Variants in FBXL7 observed in about 807,000 individuals in gnomAD.
The protein encoded by FBXL7 is F-box/LRR-repeat protein 7.
In FBXL7, 12 loss-of-function variants were observed where a neutral mutation model predicts 38.3. The observed-to-expected ratio is 0.31, with a 90% CI of 0.20 to 0.51. FBXL7 has a LOEUF of 0.51. Among genes scored for constraint, FBXL7 ranks in the 20% least tolerant of loss-of-function variants. FBXL7 has a pLI of 0.98. For synonymous variants in FBXL7, 297 were observed against 300.9 expected, an observed-to-expected ratio of 0.99 and a Z score of 0.13; for missense variants, 567 against 676.4, an observed-to-expected ratio of 0.84 and a Z score of 1.79.
intron 2 of FBXL7, among the ~76,000 whole-genome samples, chr5:15,734,295 A>G (rs1735691801): frequency 6.6e-6 from 1 of 152,164 alleles, no homozygotes; most frequent in Admixed American, 6.5e-5. Context: ...CTGATGCTGT[A>G]CGCCGTCTCT....
intron 2 of FBXL7, among the ~76,000 whole-genome samples, chr5:15,836,581 G>A (rs544233574): frequency 6.6e-6 from 1 of 152,254 alleles, no homozygotes; most frequent in South Asian, 2.1e-4. Flanking sequence ...GACAGGTAGT[G>A]TCAAGCTTCT....
intron 2 of FBXL7, among the ~76,000 whole-genome samples, 196 bp downstream of exon 2, chr5:15,616,268 T>G (rs939433235): frequency 9.2e-5 from 14 of 152,196 alleles, no homozygotes; most frequent in African/African-American, 3.4e-4. Flanking sequence ...TGAAAATTGA[T>G]TTGACGGGAT....
intron 2 of FBXL7, among the ~76,000 whole-genome samples, chr5:15,649,967 A>T (rs1741653419): frequency 6.6e-6 from 1 of 152,124 alleles, no homozygotes; most frequent in African/African-American, 2.4e-5. Context: ...GCTCGTATTG[A>T]TAGATAAGTG....
rs1394657 is a variant in FBXL7 at position 15,763,109 on chromosome 5, T to A, written c.127+147037T>A. 2.0e-5 allele frequency among the ~76,000 whole-genome samples: 3 copies of A among 152,136 alleles called. No homozygotes were observed. In the South Asian group the frequency reaches 6.2e-4, roughly 32 times the overall value. On this transcript the variant is annotated intron_variant, in intron 2 of 3. Transcript: ENST00000504595. ...ATCTCCCAAAATTTTGGTTTCTAATTTCTTGTGGACTTAAAATGGAGAGGC... is the reference window on the plus strand; with the variant it reads ...ATCTCCCAAAATTTTGGTTTCTAATATCTTGTGGACTTAAAATGGAGAGGC...
intron 1 of FBXL7, among the ~76,000 whole-genome samples, chr5:15,529,586 C>T (rs1328181781): frequency 6.6e-6 from 1 of 152,022 alleles, no homozygotes; most frequent in African/African-American, 2.4e-5. Flanking sequence ...GACGGGGTTT[C>T]ACCGTGTTAG....
chr5:15,728,863 G>A (rs1301373527), intron 2 of FBXL7, among the ~76,000 whole-genome samples: 2 of 152,068 alleles, frequency 1.3e-5, no homozygotes, highest in African/African-American at 4.8e-5. Flanking sequence ...AAGGTCTTTT[G>A]ACTTTTCTTG....
chr5:15,857,459 A>G (rs1425229704), intron 2 of FBXL7, among the ~76,000 whole-genome samples: 1 of 151,888 alleles, frequency 6.6e-6, no homozygotes, highest in Admixed American at 6.6e-5. Context: ...CTGAGCCACC[A>G]TTAGAATTAG....
intron 1 of FBXL7, among the ~76,000 whole-genome samples, chr5:15,584,509 G>A (rs1353943910): frequency 1.3e-5 from 2 of 152,152 alleles, no homozygotes; most frequent in Admixed American, 1.3e-4. Flanking sequence ...CTAGTTTCCA[G>A]TAAACTCTCA....
At chr5:15,819,435 A>G (rs1208543939) in intron 2 of FBXL7, among the ~76,000 whole-genome samples, 1 of 152,176 alleles carries the variant, frequency 6.6e-6, no homozygotes, top group Non-Finnish European at 1.5e-5. Flanking sequence ...ACTAAAATTT[A>G]AAAAACACCT....
At chr5:15,930,564 G>A (rs1016559899) in intron 3 of FBXL7, among the ~76,000 whole-genome samples, 2 of 152,204 alleles carry the variant, frequency 1.3e-5, no homozygotes, top group African/African-American at 4.8e-5. Flanking sequence ...TGCGCTTCTA[G>A]CCTTAGTGGT....
At chr5:15,753,946 G>A (rs1736222551) in intron 2 of FBXL7, among the ~76,000 whole-genome samples, 1 of 152,204 alleles carries the variant, frequency 6.6e-6, no homozygotes, top group Non-Finnish European at 1.5e-5. Context: ...TGGGCGTGGG[G>A]CCATAGATAA....
chr5:15,806,460 A>G (rs76062786), intron 2 of FBXL7, among the ~76,000 whole-genome samples: 1 of 152,170 alleles, frequency 6.6e-6, no homozygotes, highest in Non-Finnish European at 1.5e-5. Flanking sequence ...AAAATAAATT[A>G]TTGCTTTAAA....
chr5:15,557,835 CT>C (rs1403641142), intron 1 of FBXL7, among the ~76,000 whole-genome samples: 1 of 152,222 alleles, frequency 6.6e-6, no homozygotes, highest in Admixed American at 6.5e-5. Flanking sequence ...TCACTGCTCT[CT>C]GACCACCTGG....
intron 2 of FBXL7, among the ~76,000 whole-genome samples, chr5:15,817,264 G>A (rs766635288): frequency 6.6e-6 from 1 of 151,960 alleles, no homozygotes; most frequent in African/African-American, 2.4e-5. Flanking sequence ...CAATGCAGTG[G>A]AAACCTTCTT....
chr5:15,825,234 C>A (rs1190545494), intron 2 of FBXL7, among the ~76,000 whole-genome samples: 2 of 151,990 alleles, frequency 1.3e-5, no homozygotes, highest in African/African-American at 2.4e-5. Context: ...CGGCTTCTGA[C>A]AGAAGTAAAT....
At chr5:15,621,569 A>C (rs1740642448) in intron 2 of FBXL7, among the ~76,000 whole-genome samples, 1 of 152,312 alleles carries the variant, frequency 6.6e-6, no homozygotes, top group African/African-American at 2.4e-5. Flanking sequence ...ATTAGGAAGA[A>C]GCTTCCTGAA....
chr5:15,513,908 T>G (rs1290111944), intron 1 of FBXL7, among the ~76,000 whole-genome samples: 2 of 152,044 alleles, frequency 1.3e-5, no homozygotes, highest in East Asian at 1.9e-4. Flanking sequence ...AATACTTTTC[T>G]CTCTGTTTTT....
chr5:15,690,343 T>G (rs903186582), intron 2 of FBXL7, among the ~76,000 whole-genome samples: 1 of 152,200 alleles, frequency 6.6e-6, no homozygotes, highest in African/African-American at 2.4e-5. Context: ...TCTTCAAAAT[T>G]CTCCAGTTAA....
chr5:15,568,794 A>C (rs1222306493), intron 1 of FBXL7, among the ~76,000 whole-genome samples: 1 of 152,168 alleles, frequency 6.6e-6, no homozygotes, highest in African/African-American at 2.4e-5. Flanking sequence ...ATCCAGTTTC[A>C]GTTTTCTACA....
Sources: gnomAD v4.1 joint callset for allele counts (sites outside exome capture counted in the v4.1 genomes callset) on GRCh38, gnomAD v4.1.1 for gene constraint, MANE v1.5 for transcripts, NCBI Gene and HGNC (gene_info 2026-07-23, HGNC 2026-07-21) for gene names.